Variants in TCEA3 observed in about 807,000 individuals in gnomAD.
TCEA3 encodes the protein transcription elongation factor A protein 3.
A neutral mutation model predicts 44.0 loss-of-function variants in TCEA3; 36 were observed. The observed-to-expected ratio is 0.82, with a 90% CI of 0.63 to 1.08. The LOEUF is 1.08. Among genes scored for constraint, TCEA3 ranks in the 50% least tolerant of loss-of-function variants. TCEA3 has a pLI of 0.00. For missense variants in TCEA3, 392 were observed against 441.2 expected (o/e 0.89, Z 1.00); for synonymous variants, 162 against 159.7 (o/e 1.01, Z -0.11).
chr1:23,410,010 T>C (rs1639664899), intron 4 of TCEA3, among the ~76,000 whole-genome samples: 1 of 152,086 alleles, frequency 6.6e-6, no homozygotes, highest in Admixed American at 6.5e-5. Context: ...ACCCAAGAGC[T>C]GCCTCCTGCA....
intron 9 of TCEA3, among the ~76,000 whole-genome samples, chr1:23,385,351 C>A (rs1229090116): frequency 6.6e-6 from 1 of 152,232 alleles, no homozygotes; most frequent in East Asian, 1.9e-4. Context: ...CACAGCTTAG[C>A]GCAGCCTGGT....
intron 1 of TCEA3, among the ~76,000 whole-genome samples, chr1:23,422,178 T>C (rs1357637477): frequency 6.6e-6 from 1 of 152,222 alleles, no homozygotes; most frequent in Non-Finnish European, 1.5e-5. Flanking sequence ...ATTGCATGTC[T>C]GGGTGTAGCT....
Position 23,397,407 on chromosome 1 carries a change from A to C in TCEA3, c.664+138T>G, listed in dbSNP as rs968785017. 1.1e-4 allele frequency: 78 copies of C among 712,350 alleles called. No individual in the cohort carries two copies. The African/African-American group carries it at 1.1e-3, about 10-fold the overall frequency. The allele number at this position is 712,350 out of a possible 1,614,324, so 44.1% of individuals were successfully genotyped here. A position where few individuals can be genotyped will look rare whatever the true frequency, so the allele number is the denominator to read the frequency against. ...ATAATGAATGTTAGATAGAATTAAG[A>C]ACTCTGGTTCAGGGGCAGAGCAGGG... On this transcript the variant is annotated intron_variant, in intron 7 of 10. Transcript: ENST00000450454.
intron 9 of TCEA3, among the ~76,000 whole-genome samples, chr1:23,385,150 C>T (rs1277997920): frequency 6.6e-6 from 1 of 152,208 alleles, no homozygotes; most frequent in Non-Finnish European, 1.5e-5. Context: ...AAAGCCCTGG[C>T]ATTTCCAGGT....
chr1:23,399,669 C>CTT (rs1216114957), intron 5 of TCEA3, among the ~76,000 whole-genome samples: 30 of 139,144 alleles, frequency 2.2e-4, no homozygotes, highest in African/African-American at 4.3e-4. Context: ...TGTGAGAAAC[C>CTT]TTTTTTTTTT....
At chr1:23,419,669 T>G (rs1349481870) in intron 1 of TCEA3, among the ~76,000 whole-genome samples, 1 of 152,050 alleles carries the variant, frequency 6.6e-6, no homozygotes, top group Non-Finnish European at 1.5e-5. Flanking sequence ...AAGCCCCATC[T>G]CTATTAAAAT....
At chr1:23,392,619 CA>C in intron 8 of TCEA3, among the ~76,000 whole-genome samples, 1 of 86,872 alleles carries the variant, frequency 1.2e-5, no homozygotes, top group African/African-American at 4.3e-5. Flanking sequence ...TACACACACA[CA>C]CACACTCCAC....
At chr1:23,421,515 AC>A (rs1407088419) in intron 1 of TCEA3, among the ~76,000 whole-genome samples, 1 of 147,576 alleles carries the variant, frequency 6.8e-6, no homozygotes. Flanking sequence ...AAAAAAAAAA[AC>A]TGACCTGTAG....
intron 8 of TCEA3, among the ~76,000 whole-genome samples, chr1:23,388,201 T>C (rs1638911684): frequency 6.9e-6 from 1 of 145,844 alleles, no homozygotes; most frequent in Non-Finnish European, 1.5e-5. Flanking sequence ...ATTTTAAACT[T>C]TTTTTTTTTT....
At chr1:23,391,997 C>T (rs986355472) in intron 8 of TCEA3, among the ~76,000 whole-genome samples, 2 of 152,082 alleles carry the variant, frequency 1.3e-5, no homozygotes, top group African/African-American at 2.4e-5. Flanking sequence ...AGGCGATGTT[C>T]GTTATAGCAG....
chr1:23,417,960 T>C lies in TCEA3; in HGVS notation c.182A>G (p.Asp61Gly), dbSNP rs781507550. The change falls in exon 3 of 11, where the codon GAC becomes GGC. Residue 61 changes from aspartate (D) to glycine (G), a missense_variant. Physicochemically the swap from Asp to Gly is moderately conservative, Grantham distance 94. Transcript: ENST00000450454. ...AVNGVRKHCS[D>G]KEVVSLAKVL... ...TTTGGCCAAGGACACCACCTCCTTG[T>C]CTGAGCAGTGCTTGCGGACCCCATT... is the stretch of plus-strand genomic sequence containing the variant. The C allele has an allele frequency of 4.3e-6, 7 of 1,614,068 alleles. No homozygotes were observed. In the East Asian group the frequency reaches 1.1e-4, roughly 26 times the overall value.
intron 4 of TCEA3, among the ~76,000 whole-genome samples, chr1:23,409,694 G>T (rs1012037094): frequency 6.6e-6 from 1 of 151,328 alleles, no homozygotes; most frequent in Admixed American, 6.6e-5. Flanking sequence ...ACTTACAGGC[G>T]TGTGCCACCA....
chr1:23,398,799 T>C (rs186477290), intron 5 of TCEA3, among the ~76,000 whole-genome samples: 1 of 152,006 alleles, frequency 6.6e-6, no homozygotes, highest in East Asian at 1.9e-4. Context: ...TCTCTCTCTC[T>C]CTCTGTCACC....
intron 1 of TCEA3, among the ~76,000 whole-genome samples, chr1:23,420,931 G>C (rs1198437): frequency 0.75 from 113,568 of 151,692 alleles, 44,402 homozygotes; most frequent in Middle Eastern, 0.89. Context: ...GGAGCACCAG[G>C]GGACGGTGTC....
chr1:23,407,781 C>T (rs2148571328), intron 5 of TCEA3, among the ~76,000 whole-genome samples: 1 of 152,064 alleles, frequency 6.6e-6, no homozygotes, highest in African/African-American at 2.4e-5. Flanking sequence ...GTATCCCTGG[C>T]ACCTAGGATA....
chr1:23,403,813 T>C lies in TCEA3; in HGVS notation c.443+4851A>G. The C allele has an allele frequency of 1.2e-5, 5 of 434,010 alleles. No homozygotes were observed. The South Asian group carries it at 1.6e-4, about 14-fold the overall frequency. 26.9% of individuals were successfully genotyped at this position (434,010 alleles called of 1,614,324 possible). A position where few individuals can be genotyped will look rare whatever the true frequency, so the allele number is the denominator to read the frequency against. The stretch of plus-strand genomic sequence containing the variant: ...AAGACTAGGCTGTTTGGAGCATTTC[T>C]TCCCACCTTCCTGGCAGGGCACACC... On this transcript the variant is annotated intron_variant, in intron 5 of 10. Transcript: ENST00000450454.
rs957102218 is a variant in TCEA3 at position 23,420,120 on chromosome 1, C to T, written c.70-981G>A. 5.9e-5 allele frequency among the ~76,000 whole-genome samples: 9 copies of T among 152,180 alleles called. No individual in the cohort carries two copies. The South Asian group carries it at 6.2e-4, about 11-fold the overall frequency. On this transcript the variant is annotated intron_variant, in intron 1 of 10. Transcript: ENST00000450454. Reference sequence around the variant, plus strand: ...GATTTTATGTAAAGAGTATGTAGGGCAAAAACCCTTTTTTATCTGGCTTAT... The same window carrying T: ...GATTTTATGTAAAGAGTATGTAGGGTAAAAACCCTTTTTTATCTGGCTTAT...
intron 5 of TCEA3, among the ~76,000 whole-genome samples, chr1:23,400,256 A>G (rs1031041669): frequency 1.3e-5 from 2 of 152,170 alleles, no homozygotes; most frequent in East Asian, 3.9e-4. Context: ...GCCTTGAAGA[A>G]GTGAAGTGTG....
chr1:23,413,986 G>GTGTATATATA (rs1553168868), intron 4 of TCEA3, among the ~76,000 whole-genome samples: 1 of 141,044 alleles, frequency 7.1e-6, no homozygotes, highest in Admixed American at 7.1e-5. Flanking sequence ...CTAGCAGGAT[G>GTGTATATATA]TATATATATA....
Sources: allele counts gnomAD v4.1 joint callset (sites outside exome capture counted in the v4.1 genomes callset), GRCh38; gene constraint gnomAD v4.1.1; transcripts MANE v1.5; gene names NCBI Gene and HGNC (gene_info 2026-07-23, HGNC 2026-07-21).